Variants in KDM4C observed in about 807,000 individuals in gnomAD.
The protein encoded by KDM4C is lysine demethylase 4C, also known as lysine-specific demethylase 4C.
In KDM4C, 81 loss-of-function variants were observed where a neutral mutation model predicts 129.3. The ratio of observed to expected loss-of-function variants is 0.63; its 90% CI spans 0.52 to 0.75. KDM4C has a LOEUF of 0.75. Among genes scored for constraint, KDM4C ranks in the 30% least tolerant of loss-of-function variants. The probability of loss-of-function intolerance (pLI) is 0.00; values close to 1 mark genes in which losing one functional copy is unlikely to be tolerated. For missense variants in KDM4C, 1,457 were observed against 1,304.0 expected (o/e 1.12, Z -1.81); for synonymous variants, 573 against 456.1 (o/e 1.26, Z -3.26).
chr9:7,008,338 T>C (rs1417965494), intron 12 of KDM4C, among the ~76,000 whole-genome samples: 1 of 152,052 alleles, frequency 6.6e-6, no homozygotes, highest in African/African-American at 2.4e-5. Flanking sequence ...AGCTCAAGTG[T>C]CAGGTCAGTA....
chr9:6,765,501 ATTGT>A (rs1289759551), intron 1 of KDM4C, among the ~76,000 whole-genome samples: 3 of 152,046 alleles, frequency 2.0e-5, no homozygotes, highest in Non-Finnish European at 4.4e-5. Flanking sequence ...TGATTATTTG[ATTGT>A]TTCTACACTG....
intron 17 of KDM4C, among the ~76,000 whole-genome samples, chr9:7,071,471 A>T (rs9696647): frequency 0.15 from 22,536 of 152,062 alleles, 2,042 homozygotes; most frequent in African/African-American, 0.25. Flanking sequence ...TAGAAATTTC[A>T]GGACTAGACA....
At chr9:7,018,187 G>A (rs1824020154) in intron 15 of KDM4C, among the ~76,000 whole-genome samples, 1 of 152,230 alleles carries the variant, frequency 6.6e-6, no homozygotes, top group Admixed American at 6.5e-5. Flanking sequence ...GCTGTACGAT[G>A]TAGCCCATTG....
At chr9:7,103,986 T>G (rs1456542251) in intron 18 of KDM4C, 116 bp downstream of exon 18, 1 of 938,320 alleles carries the variant, frequency 1.1e-6, no homozygotes, top group Non-Finnish European at 1.6e-6. Context: ...TGTTGACATG[T>G]CTAGACCGTG....
chr9:6,954,751 C>G (rs1327277966), intron 8 of KDM4C, among the ~76,000 whole-genome samples: 1 of 152,166 alleles, frequency 6.6e-6, no homozygotes, highest in Non-Finnish European at 1.5e-5. Flanking sequence ...AAGCCAGTAA[C>G]TATTGTCAGG....
chr9:7,018,800 A>G (rs1206675334), intron 15 of KDM4C, among the ~76,000 whole-genome samples: 1 of 152,224 alleles, frequency 6.6e-6, no homozygotes, highest in Non-Finnish European at 1.5e-5. Context: ...AAATGCTATG[A>G]TTAATCACTC....
chr9:6,862,405 A>G (rs769048298), intron 5 of KDM4C, among the ~76,000 whole-genome samples: 1 of 152,116 alleles, frequency 6.6e-6, no homozygotes, highest in South Asian at 2.1e-4. Context: ...TTTGCATGTT[A>G]CTTGTAGTTT....
At chr9:7,127,786 C>T (rs1840177710) in intron 18 of KDM4C, 1 of 265,956 alleles carries the variant, frequency 3.8e-6, no homozygotes, top group African/African-American at 2.2e-5. Context: ...TATATACATA[C>T]ATATTGTTTT....
At chr9:6,864,229 G>A (rs1343927726) in intron 5 of KDM4C, among the ~76,000 whole-genome samples, 1 of 152,118 alleles carries the variant, frequency 6.6e-6, no homozygotes, top group African/African-American at 2.4e-5. Flanking sequence ...ATCTGGGAAG[G>A]ACTTTATCAC....
chr9:7,013,453 T>G (rs780720907), intron 13 of KDM4C, among the ~76,000 whole-genome samples: 1 of 152,164 alleles, frequency 6.6e-6, no homozygotes, highest in Non-Finnish European at 1.5e-5. Context: ...CTTCAGTAAA[T>G]GAAAACAGAT....
At chr9:7,052,896 A>AGAGAGAGAGAGC (rs1564049670) in intron 17 of KDM4C, among the ~76,000 whole-genome samples, 2 of 13,100 alleles carry the variant, frequency 1.5e-4, no homozygotes, top group South Asian at 5.4e-3. Flanking sequence ...AGAGAGAGAG[A>AGAGAGAGAGAGC]GAGAGCGAGC....
chr9:6,896,146 A>C lies in KDM4C; in HGVS notation c.921+2914A>C, dbSNP rs145525045. 2.0e-3 allele frequency among the ~76,000 whole-genome samples: 298 copies of C among 152,328 alleles called. 2 individuals are homozygous for C. Among genetic ancestry groups the C allele is most frequent in the African/African-American group, 6.8e-3 (284 of 41,572 alleles). ...TGGAAACTGATGTGTAGTGAATTGC[A>C]CTAAAAAGACTTTTAGCATTGAGGA... On this transcript the variant is annotated intron_variant, in intron 8 of 21. Coordinates refer to ENST00000381309, the MANE Select transcript of KDM4C (RefSeq NM_015061.6).
chr9:6,940,316 C>G (rs62533838), intron 8 of KDM4C, among the ~76,000 whole-genome samples: 38,886 of 152,004 alleles, frequency 0.26, 5,420 homozygotes, highest in South Asian at 0.4. Flanking sequence ...GTCTTGATTA[C>G]AGGTGTGAGC....
chr9:6,900,188 G>T (rs1817146142), intron 8 of KDM4C, among the ~76,000 whole-genome samples: 1 of 152,156 alleles, frequency 6.6e-6, no homozygotes, highest in African/African-American at 2.4e-5. Flanking sequence ...GTCATTTTCA[G>T]GGTGGTCCTA....
At chr9:6,885,566 T>C (rs1340882130) in intron 6 of KDM4C, among the ~76,000 whole-genome samples, 2 of 151,532 alleles carry the variant, frequency 1.3e-5, no homozygotes, top group Non-Finnish European at 2.9e-5. Context: ...ATTGGAAGAA[T>C]GATTCCAAAG....
chr9:6,873,513 C>T (rs947615701), intron 5 of KDM4C, among the ~76,000 whole-genome samples: 3 of 152,216 alleles, frequency 2.0e-5, no homozygotes, highest in African/African-American at 7.2e-5. Flanking sequence ...TTGTACTTCT[C>T]TCTTATGGAT....
intron 17 of KDM4C, among the ~76,000 whole-genome samples, chr9:7,050,717 C>A (rs1175453055): frequency 2.0e-5 from 3 of 152,122 alleles, no homozygotes; most frequent in African/African-American, 7.2e-5. Context: ...GCTCTTGAGG[C>A]TGCCTCCACA....
chr9:6,793,206 T>A, intron 2 of KDM4C, 74 bp downstream of exon 2: 1 of 1,508,222 alleles, frequency 6.6e-7, no homozygotes. Flanking sequence ...TTTCACGATT[T>A]GGGACATTGT....
At chr9:7,091,321 GA>G (rs60196704) in intron 17 of KDM4C, among the ~76,000 whole-genome samples, 109,436 of 149,762 alleles carry the variant, frequency 0.73, 39,897 homozygotes, top group Middle Eastern at 0.84. Context: ...GGCAATAAAA[GA>G]AAAAAAAAAA....
Sources: gnomAD v4.1 joint callset for allele counts (sites outside exome capture counted in the v4.1 genomes callset) on GRCh38, gnomAD v4.1.1 for gene constraint, MANE v1.5 for transcripts, NCBI Gene and HGNC (gene_info 2026-07-23, HGNC 2026-07-21) for gene names.